DSTN: variants seen among roughly 807,000 people sequenced by gnomAD.
The protein encoded by DSTN is destrin.
A neutral mutation model predicts 16.8 loss-of-function variants in DSTN; 10 were observed. The observed-to-expected ratio is 0.60, with a 90% CI of 0.37 to 1.01. The LOEUF is 1.01. Ranked by LOEUF, DSTN falls within the 50% of genes least tolerant of loss-of-function variation. The pLI, the probability that DSTN is intolerant of heterozygous loss-of-function variation, is 0.01. For missense variants in DSTN, 141 were observed against 196.7 expected (o/e 0.72, Z 1.69); for synonymous variants, 57 against 58.9 (o/e 0.97, Z 0.14).
chr20:17,605,948 C>CA (rs376339085), intron 3 of DSTN, among the ~76,000 whole-genome samples: 7,073 of 146,842 alleles, frequency 0.048, 482 homozygotes, highest in African/African-American at 0.16. Flanking sequence ...ACTAAAAATA[C>CA]AAAAAAAAAA....
intron 1 of DSTN, among the ~76,000 whole-genome samples, chr20:17,570,850 T>C (rs897683719): frequency 6.6e-6 from 1 of 152,208 alleles, no homozygotes. Flanking sequence ...AGCACTCTCG[T>C]CGTGCTTGTC....
At chr20:17,603,686 A>G (rs1396230756) in intron 2 of DSTN, among the ~76,000 whole-genome samples, 1 of 152,214 alleles carries the variant, frequency 6.6e-6, no homozygotes, top group Non-Finnish European at 1.5e-5. Flanking sequence ...TGCTTCTAAC[A>G]CGCTTCCCTT....
chr20:17,574,747 ATT>A (rs1491460884), intron 1 of DSTN, among the ~76,000 whole-genome samples: 22 of 125,080 alleles, frequency 1.8e-4, no homozygotes, highest in East Asian at 4.3e-4. Context: ...AAAAAAAAAA[ATT>A]AAAAGTCTAA....
chr20:17,586,317 C>T (rs2035408015), intron 1 of DSTN, among the ~76,000 whole-genome samples: 1 of 152,122 alleles, frequency 6.6e-6, no homozygotes, highest in Non-Finnish European at 1.5e-5. Context: ...TGCAGCGTCT[C>T]CAAGGTATGC....
At chr20:17,570,574 C>G (rs1373483117) in intron 1 of DSTN, among the ~76,000 whole-genome samples, 1 of 151,632 alleles carries the variant, frequency 6.6e-6, no homozygotes, top group Non-Finnish European at 1.5e-5. Context: ...ACACCGAGGC[C>G]GGGGAGTGGG....
At chr20:17,570,636 C>G (rs946390514) in intron 1 of DSTN, among the ~76,000 whole-genome samples, 1 of 152,146 alleles carries the variant, frequency 6.6e-6, no homozygotes, top group African/African-American at 2.4e-5. Context: ...TGGGTTTCCC[C>G]AGAGCTGGCG....
chr20:17,573,671 C>A (rs151258705), intron 1 of DSTN, among the ~76,000 whole-genome samples: 1 of 152,110 alleles, frequency 6.6e-6, no homozygotes, highest in Admixed American at 6.6e-5. Flanking sequence ...TTGCCTTTCA[C>A]CACTTAATAA....
intron 1 of DSTN, among the ~76,000 whole-genome samples, chr20:17,572,617 G>T (rs2035219837): frequency 6.6e-6 from 1 of 152,104 alleles, no homozygotes; most frequent in Non-Finnish European, 1.5e-5. Flanking sequence ...TGAACTAATT[G>T]GCGCAGTATT....
chr20:17,604,666 A>G (rs1354708162), intron 3 of DSTN, 35 bp downstream of exon 3: 1 of 1,579,136 alleles, frequency 6.3e-7, no homozygotes, highest in Non-Finnish European at 8.6e-7. Flanking sequence ...ATGTAGAGGT[A>G]TGGTGAACAC....
intron 1 of DSTN, among the ~76,000 whole-genome samples, chr20:17,578,961 CAAAAAAA>C (rs59600009): frequency 6.1e-5 from 5 of 81,414 alleles, no homozygotes; most frequent in East Asian, 3.3e-4. Context: ...AATTCCATCT[CAAAAAAA>C]AAAAAAAAAA....
chr20:17,586,785 A>C (rs1465883306), intron 1 of DSTN, among the ~76,000 whole-genome samples: 3 of 152,176 alleles, frequency 2.0e-5, no homozygotes, highest in African/African-American at 7.2e-5. Context: ...TGCTTAGTGC[A>C]TGGAAGGCCT....
intron 1 of DSTN, among the ~76,000 whole-genome samples, chr20:17,572,228 C>T (rs1174373356): frequency 2.0e-5 from 3 of 152,166 alleles, no homozygotes; most frequent in African/African-American, 7.2e-5. Context: ...AGTTTGAAAC[C>T]AGCTGGGCGC....
At chr20:17,604,817 C>T (rs565622177) in intron 3 of DSTN, among the ~76,000 whole-genome samples, 186 bp downstream of exon 3, 11 of 152,330 alleles carry the variant, frequency 7.2e-5, no homozygotes, top group African/African-American at 2.2e-4. Context: ...GTGCTGGTTG[C>T]TCTGGGTCTG....
At position 17,607,686 on chromosome 20, in the gene DSTN, A is replaced by ATT. The variant is rs2035656865; in HGVS notation, c.*541_*542insTT. 1 of 152,292 alleles carries ATT rather than the reference A, an allele frequency of 6.6e-6. No homozygotes were observed. Among genetic ancestry groups the ATT allele is most frequent in the African/African-American group, 2.4e-5 (1 of 41,452 alleles). The allele number at this position is 152,292 out of a possible 1,614,324, so 9.4% of individuals were successfully genotyped here. On this transcript the variant is annotated 3_prime_UTR_variant, in exon 4 of 4. Transcript: ENST00000246069. ...ATTGCCTCAAAATTGTGTCCACATA[A>ATT]TCCACGCTCATCTTGCAAAGCGCTA...
intron 3 of DSTN, 126 bp from the exon 4 acceptor site, chr20:17,606,911 A>G (rs1250428916): frequency 2.6e-6 from 2 of 756,288 alleles, no homozygotes; most frequent in South Asian, 1.9e-5. Context: ...ACTGTGTAGT[A>G]TTCCGTGTTT....
Position 17,583,735 on chromosome 20 carries a change from C to CTTTTTTTTTTTTTTTTTTTTT in DSTN, c.3+13527_3+13547dup, listed in dbSNP as rs71192397. Reference sequence around the variant, plus strand: ...ATGACTGCTAATGGGTTTGGAGTTTCTTTTTTTTTTTTTTTTTTTTTTTGA... The same window carrying CTTTTTTTTTTTTTTTTTTTTT: ...ATGACTGCTAATGGGTTTGGAGTTTCTTTTTTTTTTTTTTTTTTTTTTTTTTTTTTTTTTTTTTTTTTTTGA... On this transcript the variant is annotated intron_variant, in intron 1 of 3. Coordinates refer to ENST00000246069, the MANE Select transcript of DSTN (RefSeq NM_006870.4). Among the ~76,000 whole-genome samples, 12 of 72,492 alleles carry CTTTTTTTTTTTTTTTTTTTTT rather than the reference C, an allele frequency of 1.7e-4. 3 individuals are homozygous for CTTTTTTTTTTTTTTTTTTTTT. Among genetic ancestry groups the CTTTTTTTTTTTTTTTTTTTTT allele is most frequent in the East Asian group, 4.9e-4 (1 of 2,058 alleles). The allele number at this position is 72,492 out of a possible 152,430, so 47.6% of individuals were successfully genotyped here. A position where few individuals can be genotyped will look rare whatever the true frequency, so the allele number is the denominator to read the frequency against.
chr20:17,605,431 T>C (rs904047766), intron 3 of DSTN, among the ~76,000 whole-genome samples: 2 of 152,248 alleles, frequency 1.3e-5, no homozygotes, highest in African/African-American at 4.8e-5. Context: ...AACAGCTGAG[T>C]GAGCCAAGGT....
chr20:17,596,801 G>T, intron 1 of DSTN: 1 of 985,422 alleles, frequency 1.0e-6, no homozygotes. Context: ...GTAAGTTACA[G>T]CCAGATTTGG....
intron 1 of DSTN, among the ~76,000 whole-genome samples, chr20:17,596,438 T>C (rs2035527390): frequency 6.6e-6 from 1 of 152,228 alleles, no homozygotes; most frequent in South Asian, 2.1e-4. Context: ...TACTGTGCCA[T>C]ATTTCCTTTT....
Sources: gnomAD v4.1 joint callset for allele counts (sites outside exome capture counted in the v4.1 genomes callset) on GRCh38, gnomAD v4.1.1 for gene constraint, MANE v1.5 for transcripts, NCBI Gene and HGNC (gene_info 2026-07-23, HGNC 2026-07-21) for gene names.